The following NCAM2 variants were observed in gnomAD, a reference collection of about 807,000 sequenced individuals.
The protein encoded by NCAM2 is neural cell adhesion molecule 2, also known as N-CAM-2.
Under a neutral mutation model 98.1 loss-of-function variants are expected in NCAM2, and 30 were observed. The ratio of observed to expected loss-of-function variants is 0.31; its 90% CI spans 0.23 to 0.41. The LOEUF is 0.41. Ranked by LOEUF, NCAM2 falls within the 10% of genes least tolerant of loss-of-function variation. NCAM2 has a pLI of 1.00. For missense variants in NCAM2, 867 were observed against 1,005.8 expected (o/e 0.86, Z 1.87); for synonymous variants, 368 against 342.4 (o/e 1.07, Z -0.83).
chr21:21,452,251 ATG>A (rs1013982908), intron 12 of NCAM2, among the ~76,000 whole-genome samples: 7 of 150,924 alleles, frequency 4.6e-5, no homozygotes, highest in African/African-American at 1.5e-4. Context: ...ATATGTGTAT[ATG>A]TATATATACA....
intron 1 of NCAM2, among the ~76,000 whole-genome samples, chr21:21,040,009 C>T (rs2064871725): frequency 6.6e-6 from 1 of 152,146 alleles, no homozygotes; most frequent in East Asian, 1.9e-4. Context: ...TACACATTGC[C>T]AGTTATTACT....
rs201798652 is a variant in NCAM2, at chr21:21,300,016, T to TA, written c.619+7782dup. Among the ~76,000 whole-genome samples the TA allele has an allele frequency of 3.8e-3, 572 of 152,126 alleles. 2 individuals carry two copies. The highest frequency in any genetic ancestry group is 0.01 in the Middle Eastern group (3 of 294). On this transcript the variant is annotated intron_variant, in intron 5 of 17. Coordinates refer to ENST00000400546, the MANE Select transcript of NCAM2 (RefSeq NM_004540.5). ...GTGTAAATAGTGTTACACTGTATTT[T>TA]AAAAAAATTGTTCTATTTTTATTGC... is the stretch of plus-strand genomic sequence containing the variant.
intron 1 of NCAM2, among the ~76,000 whole-genome samples, chr21:21,068,288 G>A (rs369540201): frequency 3.3e-5 from 5 of 149,914 alleles, no homozygotes; most frequent in Admixed American, 6.7e-5. Context: ...ACCCACCACC[G>A]TGCCTGGCTA....
chr21:21,337,284 A>G (rs533491536), intron 7 of NCAM2, among the ~76,000 whole-genome samples: 1 of 151,100 alleles, frequency 6.6e-6, no homozygotes, highest in East Asian at 2.0e-4. Flanking sequence ...CCTTTCAAGT[A>G]GAACATAATA....
intron 12 of NCAM2, among the ~76,000 whole-genome samples, chr21:21,445,027 T>G (rs1347060748): frequency 6.6e-6 from 1 of 152,022 alleles, no homozygotes; most frequent in Non-Finnish European, 1.5e-5. Flanking sequence ...ATTCTGGTAC[T>G]TCATCTCTTC....
chr21:20,998,437 G>T lies in NCAM2; in HGVS notation c.-127G>T. The T allele has an allele frequency of 8.9e-6, 7 of 790,452 alleles. No homozygotes were observed. Among genetic ancestry groups the T allele is most frequent in the Non-Finnish European group, 1.4e-5 (7 of 507,124 alleles). The allele number at this position is 790,452 out of a possible 1,614,324, so 49.0% of individuals were successfully genotyped here. On this transcript the variant is annotated 5_prime_UTR_variant, in exon 1 of 18. Coordinates refer to ENST00000400546, the MANE Select transcript of NCAM2 (RefSeq NM_004540.5). ...TTGCGAGGAGGAGCGCGCGGGCTGCGGGCGGCTGGGGCACCGCGGGAGCGG... is the reference window on the plus strand; with the variant it reads ...TTGCGAGGAGGAGCGCGCGGGCTGCTGGCGGCTGGGGCACCGCGGGAGCGG...
At chr21:21,025,221 G>T (rs2064520365) in intron 1 of NCAM2, among the ~76,000 whole-genome samples, 2 of 152,112 alleles carry the variant, frequency 1.3e-5, no homozygotes, top group South Asian at 2.1e-4. Flanking sequence ...GAGTAGCTGG[G>T]ATTACAGGTG....
chr21:21,182,396 GT>G (rs574822337), intron 1 of NCAM2, among the ~76,000 whole-genome samples: 1 of 152,122 alleles, frequency 6.6e-6, no homozygotes, highest in Non-Finnish European at 1.5e-5. Flanking sequence ...TTAATAAATG[GT>G]TAAGGTTGAG....
chr21:21,260,042 A>G (rs1201744759), intron 1 of NCAM2, among the ~76,000 whole-genome samples: 2 of 151,784 alleles, frequency 1.3e-5, no homozygotes, highest in African/African-American at 4.8e-5. Flanking sequence ...TCACTAAAGA[A>G]ATTTCAAAAT....
At chr21:21,272,469 GA>G (rs1464214902) in intron 1 of NCAM2, among the ~76,000 whole-genome samples, 2 of 149,516 alleles carry the variant, frequency 1.3e-5, no homozygotes, top group South Asian at 2.1e-4. Flanking sequence ...ACATATACCA[GA>G]AAAAAACACG....
At chr21:21,028,916 A>G (rs2064611607) in intron 1 of NCAM2, among the ~76,000 whole-genome samples, 1 of 152,228 alleles carries the variant, frequency 6.6e-6, no homozygotes, top group South Asian at 2.1e-4. Flanking sequence ...ATAGGTATGT[A>G]ATCCTTTTTT....
chr21:21,472,967 T>TACACAC lies in NCAM2; in HGVS notation c.1896+4205_1896+4210dup, dbSNP rs3039039. Reference sequence around the variant, plus strand: ...CCAAATGTATATATATACATATATGTACACACACACACACACACACACACA... The same window carrying TACACAC: ...CCAAATGTATATATATACATATATGTACACACACACACACACACACACACACACACA... On this transcript the variant is annotated intron_variant, in intron 14 of 17. Coordinates refer to ENST00000400546, the MANE Select transcript of NCAM2 (RefSeq NM_004540.5). 1.1e-4 allele frequency among the ~76,000 whole-genome samples: 16 copies of TACACAC among 142,386 alleles called. No homozygotes were observed. The East Asian group carries it at 2.0e-3, about 18-fold the overall frequency. 93.4% of individuals were successfully genotyped at this position (142,386 alleles called of 152,430 possible). A position where few individuals can be genotyped will look rare whatever the true frequency, so the allele number is the denominator to read the frequency against.
At chr21:21,198,164 T>A (rs2069077968) in intron 1 of NCAM2, among the ~76,000 whole-genome samples, 1 of 150,600 alleles carries the variant, frequency 6.6e-6, no homozygotes. Context: ...TCTAGTTATT[T>A]TTTTAAATAT....
intron 1 of NCAM2, among the ~76,000 whole-genome samples, chr21:21,125,849 T>C (rs2066810201): frequency 6.6e-6 from 1 of 151,460 alleles, no homozygotes; most frequent in Non-Finnish European, 1.5e-5. Flanking sequence ...TGAAACTGAA[T>C]GAACTTCATT....
intron 1 of NCAM2, among the ~76,000 whole-genome samples, chr21:21,261,281 A>AGC (rs1433523956): frequency 6.6e-6 from 1 of 152,186 alleles, no homozygotes; most frequent in Non-Finnish European, 1.5e-5. Context: ...TTACATCTCT[A>AGC]GATCATCAAG....
intron 5 of NCAM2, among the ~76,000 whole-genome samples, chr21:21,315,321 GAACTTGCTGT>G (rs2074188180): frequency 6.6e-6 from 1 of 152,140 alleles, no homozygotes; most frequent in Admixed American, 6.5e-5. Context: ...ATTTCCTAAA[GAACTTGCTGT>G]GGATGCCTTC....
chr21:21,122,164 T>C (rs540017963), intron 1 of NCAM2, among the ~76,000 whole-genome samples: 1 of 4,068 alleles, frequency 2.5e-4, no homozygotes, highest in Admixed American at 3.7e-3. Context: ...AAAGTCAACC[T>C]TTTAACCGAG....
rs1602592840 is a variant in NCAM2, at chr21:21,541,203, G to A, written c.*3246G>A. ...TATGCTTCTTATTTTAAATAATTAA[G>A]ATGTATCTGTGCCTTTTAATTAGCA... is the stretch of plus-strand genomic sequence containing the variant. On this transcript the variant is annotated 3_prime_UTR_variant, in exon 18 of 18. Transcript: ENST00000400546. 1.3e-5 allele frequency: 2 copies of A among 151,172 alleles called. No individual in the cohort carries two copies. The highest frequency in any genetic ancestry group is 1.9e-4 in the East Asian group (1 of 5,170). The allele number at this position is 151,172 out of a possible 1,614,324, so 9.4% of individuals were successfully genotyped here.
At chr21:21,292,975 G>T (rs1344631923) in intron 5 of NCAM2, among the ~76,000 whole-genome samples, 2 of 151,834 alleles carry the variant, frequency 1.3e-5, no homozygotes, top group Non-Finnish European at 2.9e-5. Flanking sequence ...AAGAGTGCGT[G>T]AGAAAGAGTG....
Sources: allele counts gnomAD v4.1 joint callset (sites outside exome capture counted in the v4.1 genomes callset), GRCh38; gene constraint gnomAD v4.1.1; transcripts MANE v1.5; gene names NCBI Gene and HGNC (gene_info 2026-07-23, HGNC 2026-07-21).